Variants in DGKH observed in about 807,000 individuals in gnomAD.
The protein encoded by DGKH is DAG kinase eta.
A neutral mutation model predicts 159.3 loss-of-function variants in DGKH; 90 were observed. The ratio of observed to expected loss-of-function variants is 0.57; its 90% CI spans 0.48 to 0.67. The LOEUF (loss-of-function observed/expected upper bound fraction) is 0.67, where lower values mean the gene tolerates loss of function less well. DGKH is among the 30% of genes least tolerant of loss of function. The pLI is 0.00. For synonymous variants in DGKH, 536 were observed against 553.8 expected (o/e 0.97, Z 0.45); for missense variants, 1,181 against 1,506.1 (o/e 0.78, Z 3.57).
chr13:42,085,302 C>T (rs564960409), intron 1 of DGKH, among the ~76,000 whole-genome samples: 1 of 151,556 alleles, frequency 6.6e-6, no homozygotes, highest in South Asian at 2.1e-4. Flanking sequence ...TATGGATTCC[C>T]TTTCTCCCTT....
chr13:42,160,155 G>A lies in DGKH; in HGVS notation c.855+19G>A, dbSNP rs761386468. Reference sequence around the variant, plus strand: ...GACAATGGTGAGGGTTTTGGAATCAGTTCATCCTTTTTAATTAGCTTCTTT... The same window carrying A: ...GACAATGGTGAGGGTTTTGGAATCAATTCATCCTTTTTAATTAGCTTCTTT... On this transcript the variant is annotated intron_variant, in intron 7 of 29. Coordinates refer to ENST00000337343, the MANE Select transcript of DGKH (RefSeq NM_178009.5). 1.9e-6 allele frequency: 3 copies of A among 1,613,920 alleles called. No homozygotes were observed. The highest frequency in any genetic ancestry group is 1.1e-5 in the South Asian group (1 of 91,074).
intron 1 of DGKH, among the ~76,000 whole-genome samples, chr13:42,063,764 A>G (rs1882355050): frequency 6.6e-6 from 1 of 151,908 alleles, no homozygotes; most frequent in South Asian, 2.1e-4. Flanking sequence ...ACATGGAGAA[A>G]CCCCGTCTCT....
rs1958361832 is a variant in DGKH at position 42,234,055 on chromosome 13, T to G, written c.*4867T>G. 6.6e-6 allele frequency: 1 copy of G among 152,224 alleles called. No homozygotes were observed. Among genetic ancestry groups the G allele is most frequent in the Non-Finnish European group, 1.5e-5 (1 of 68,040 alleles). 9.4% of individuals were successfully genotyped at this position (152,224 alleles called of 1,614,324 possible). ...CTGTTTTCCTTACACTCACTTATCT[T>G]GATGTTCACATGGTTAATAATTCCT... On this transcript the variant is annotated 3_prime_UTR_variant, in exon 30 of 30. Coordinates refer to ENST00000337343, the MANE Select transcript of DGKH (RefSeq NM_178009.5).
chr13:42,056,391 A>C (rs982546075), intron 1 of DGKH, among the ~76,000 whole-genome samples: 2 of 152,180 alleles, frequency 1.3e-5, no homozygotes, highest in African/African-American at 4.8e-5. Context: ...TTTGAGTATC[A>C]GCACTTTTTC....
At chr13:42,251,164 T>C (rs238328) in intron 29 of DGKH, among the ~76,000 whole-genome samples, 52,229 of 152,052 alleles carry the variant, frequency 0.34, 9,548 homozygotes, top group Non-Finnish European at 0.41. Flanking sequence ...AAATTTATTG[T>C]AAAGCTCTGT....
In DGKH at chr13:42,145,225, G is replaced by T. The variant is rs544964703; in HGVS notation, c.385-10066G>T. On this transcript the variant is annotated intron_variant, in intron 3 of 29. Coordinates refer to ENST00000337343, the MANE Select transcript of DGKH (RefSeq NM_178009.5). ...TGAGCCCAAATCTCAATTTATGAAG[G>T]CAAAAGTAGGTTTGTACTTAAGAGA... Among the ~76,000 whole-genome samples the T allele has an allele frequency of 1.2e-4, 18 of 152,260 alleles. No homozygotes were observed. In the South Asian group the frequency reaches 3.7e-3, roughly 32 times the overall value.
chr13:42,190,437 A>C lies in DGKH; in HGVS notation c.1947A>C (p.Pro649=). ...MDDPTVHPCE[P]ANQSSDYDST... ...ACCCGACAGTTCACCCCTGTGAACC[A>C]GCTAATCAGTCCTCTGATTATGACA... Residue 649 remains proline (P), a synonymous_variant, in exon 16 of 30, where the codon CCA becomes CCC. Transcript: ENST00000337343. The C allele has an allele frequency of 6.2e-7, 1 of 1,610,654 alleles. No homozygotes were observed. Among genetic ancestry groups the C allele is most frequent in the Non-Finnish European group, 8.5e-7 (1 of 1,178,776 alleles).
chr13:42,132,064 G>GTC (rs1160924911), intron 3 of DGKH, among the ~76,000 whole-genome samples: 1 of 152,154 alleles, frequency 6.6e-6, no homozygotes, highest in African/African-American at 2.4e-5. Flanking sequence ...AAGAATAATC[G>GTC]TCTCTCTGCT....
downstream of DGKH, among the ~76,000 whole-genome samples, chr13:42,245,781 C>T (rs61627625): frequency 0.096 from 14,635 of 151,978 alleles, 767 homozygotes; most frequent in Non-Finnish European, 0.11. Context: ...GACAAGTTTT[C>T]ACCATATTGG....
chr13:42,121,064 T>TACACACACACACAC (rs1277799499), intron 1 of DGKH, among the ~76,000 whole-genome samples: 6 of 56,756 alleles, frequency 1.1e-4, no homozygotes, highest in Non-Finnish European at 2.0e-4. Context: ...TAATATATAT[T>TACACACACACACAC]ATACACACAC....
At chr13:42,076,844 A>G (rs1321620936) in intron 1 of DGKH, among the ~76,000 whole-genome samples, 2 of 152,180 alleles carry the variant, frequency 1.3e-5, no homozygotes, top group East Asian at 1.9e-4. Flanking sequence ...ATGACTTGTT[A>G]TAGCTCCAAT....
At chr13:42,140,068 G>T (rs181392174) in intron 3 of DGKH, among the ~76,000 whole-genome samples, 115 of 152,308 alleles carry the variant, frequency 7.6e-4, no homozygotes, top group African/African-American at 2.8e-3. Context: ...TAGTTCATCT[G>T]CTCTTCTCCA....
intron 29 of DGKH, 81 bp from the exon 30 acceptor site, chr13:42,229,013 CCTTTT>C: frequency 7.8e-6 from 9 of 1,161,132 alleles, no homozygotes; most frequent in South Asian, 1.5e-5. Flanking sequence ...AAACTTTTTT[CCTTTT>C]CTTTCATTTT....
chr13:42,067,729 G>A (rs1226182758), intron 1 of DGKH, among the ~76,000 whole-genome samples: 2 of 151,148 alleles, frequency 1.3e-5, no homozygotes, highest in African/African-American at 4.9e-5. Flanking sequence ...TGCTGGCCAT[G>A]TTTTATTTGT....
chr13:42,155,178 C>T (rs897976640), intron 3 of DGKH, 113 bp from the exon 4 acceptor site: 20 of 818,636 alleles, frequency 2.4e-5, no homozygotes, highest in Middle Eastern at 7.3e-4. Flanking sequence ...ATTACAAAAA[C>T]GTAAGAAATA....
chr13:42,088,359 G>A (rs1226173728), intron 1 of DGKH, among the ~76,000 whole-genome samples: 2 of 151,940 alleles, frequency 1.3e-5, no homozygotes, highest in East Asian at 3.9e-4. Context: ...TTAGAATATG[G>A]GTAAATACAA....
At chr13:42,173,633 C>T (rs1460093391) in intron 11 of DGKH, among the ~76,000 whole-genome samples, 1 of 152,008 alleles carries the variant, frequency 6.6e-6, no homozygotes, top group Non-Finnish European at 1.5e-5. Flanking sequence ...TGTTTTAAAA[C>T]TTTGGGTTAT....
chr13:42,155,556 T>C, intron 4 of DGKH, 111 bp from the exon 5 acceptor site: 1 of 1,566,644 alleles, frequency 6.4e-7, no homozygotes, highest in Non-Finnish European at 8.7e-7. Flanking sequence ...GCTTTGGTTT[T>C]AAAAATGATG....
chr13:42,116,856 C>T (rs1173418184), intron 1 of DGKH, among the ~76,000 whole-genome samples: 1 of 152,196 alleles, frequency 6.6e-6, no homozygotes, highest in South Asian at 2.1e-4. Context: ...GGACTAAAAA[C>T]AGTTACAGAA....
Sources: allele counts gnomAD v4.1 joint callset (sites outside exome capture counted in the v4.1 genomes callset), GRCh38; gene constraint gnomAD v4.1.1; transcripts MANE v1.5; gene names NCBI Gene and HGNC (gene_info 2026-07-23, HGNC 2026-07-21).